SETD1A: variants seen among roughly 807,000 people sequenced by gnomAD.
SETD1A encodes the protein histone-lysine N-methyltransferase SETD1A.
SETD1A carries 29 observed loss-of-function variants against 149.9 expected under a neutral mutation model. That is an observed-to-expected ratio of 0.19 (90% confidence interval 0.14 to 0.26). The LOEUF is 0.26. Among genes scored for constraint, SETD1A ranks in the 10% least tolerant of loss-of-function variants. The pLI is 1.00. For missense variants in SETD1A, 2,109 were observed against 2,353.1 expected (o/e 0.90, Z 2.15); for synonymous variants, 1,141 against 968.5 (o/e 1.18, Z -3.31).
chr16:30,966,159 CCCT>C lies in SETD1A; in HGVS notation c.2286_2288del (p.Ser763del), dbSNP rs541436397. On this transcript the variant is annotated inframe_deletion, in exon 8 of 19. Coordinates refer to ENST00000262519, the MANE Select transcript of SETD1A (RefSeq NM_014712.3). Reference sequence around the variant, plus strand: ...CATGCCAATGGCAGCCGAGCCCCTGCCCTCCTCCTCAGTCTCGGGAGAGGAGGC... The same window carrying C: ...CATGCCAATGGCAGCCGAGCCCCTGCCCTCCTCAGTCTCGGGAGAGGAGGC... The C allele has an allele frequency of 4.2e-5, 67 of 1,608,516 alleles. No individual in the cohort carries two copies. The highest frequency in any genetic ancestry group is 2.3e-4 in the Admixed American group (14 of 59,738).
chr16:30,968,643 A>G (rs547915072), intron 10 of SETD1A, among the ~76,000 whole-genome samples: 146 of 152,000 alleles, frequency 9.6e-4, no homozygotes, highest in Non-Finnish European at 1.4e-3. Context: ...TCTACTAACA[A>G]TAGAAAAATT....
chr16:30,979,710 C>T lies in SETD1A; in HGVS notation c.3924C>T (p.Pro1308=). The change falls in exon 14 of 19, where the codon CCC becomes CCT. Residue 1308 remains proline (P), a synonymous_variant. Transcript: ENST00000262519. ...LEHNYALAVK[P]TPPAPALRPP... ...ACAACTATGCCCTGGCCGTCAAGCC[C>T]ACGCCCCCTGCGCCAGCCCTGCGGC... is the stretch of plus-strand genomic sequence containing the variant. The T allele has an allele frequency of 6.2e-7, 1 of 1,602,760 alleles. No homozygotes were observed. The highest frequency in any genetic ancestry group is 1.1e-5 in the South Asian group (1 of 90,992).
chr16:30,980,245 C>A lies in SETD1A; in HGVS notation c.4408+51C>A. On this transcript the variant is annotated intron_variant, in intron 14 of 18. Transcript: ENST00000262519. The surrounding 1 kb of genome is among the most constrained non-coding windows in gnomAD (Gnocchi z 7.7). Reference sequence around the variant, plus strand: ...CCGGGCTTGGGTCCTCCCCCGACCCCTCCAGGCACCTGCATCTGTGCCCCA... The same window carrying A: ...CCGGGCTTGGGTCCTCCCCCGACCCATCCAGGCACCTGCATCTGTGCCCCA... 1 of 1,531,528 alleles carries A rather than the reference C, an allele frequency of 6.5e-7. No individual in the cohort carries two copies. Among genetic ancestry groups the A allele is most frequent in the East Asian group, 2.3e-5 (1 of 43,446 alleles). The allele number at this position is 1,531,528 out of a possible 1,614,324, so 94.9% of individuals were successfully genotyped here.
chr16:30,967,602 G>A lies in SETD1A; in HGVS notation c.2770+14G>A. The A allele has an allele frequency of 6.2e-7, 1 of 1,611,374 alleles. No individual in the cohort carries two copies. Among genetic ancestry groups the A allele is most frequent in the Non-Finnish European group, 8.5e-7 (1 of 1,177,594 alleles). On this transcript the variant is annotated intron_variant, in intron 10 of 18. Coordinates refer to ENST00000262519, the MANE Select transcript of SETD1A (RefSeq NM_014712.3). ...AAGATGAAGACGGTGAGCAGGGTCA[G>A]GCATAAGGAGAAGGGGTGTGCTGCG...
At position 30,981,131 on chromosome 16, in the gene SETD1A, T is replaced by C; in HGVS notation, c.4763T>C (p.Ile1588Thr). ...HEWGLFAMEP[I>T]AADEMVIEYV... ...TGGGGTCTGTTTGCCATGGAACCCATTGCTGCTGACGAGATGGTCATCGAA... is the reference window on the plus strand; with the variant it reads ...TGGGGTCTGTTTGCCATGGAACCCACTGCTGCTGACGAGATGGTCATCGAA... The change falls in exon 17 of 19, where the codon ATT becomes ACT. Residue 1588 changes from isoleucine (I) to threonine (T), a missense_variant. This residue lies in a region of SETD1A where 254 missense variants were observed against 409.3 expected (regional missense o/e 0.62). Coordinates refer to ENST00000262519, the MANE Select transcript of SETD1A (RefSeq NM_014712.3). 1 of 1,614,162 alleles carries C rather than the reference T, an allele frequency of 6.2e-7. No individual in the cohort carries two copies. Among genetic ancestry groups the C allele is most frequent in the Non-Finnish European group, 8.5e-7 (1 of 1,180,012 alleles).
intron 3 of SETD1A, among the ~76,000 whole-genome samples, chr16:30,960,321 C>T (rs1475728120): frequency 6.6e-6 from 1 of 152,188 alleles, no homozygotes; most frequent in Non-Finnish European, 1.5e-5. Flanking sequence ...ACACCACACC[C>T]CTGTGTTACA....
Position 30,971,452 on chromosome 16 carries a change from T to G in SETD1A, c.3091T>G (p.Ser1031Ala). 6.2e-7 allele frequency: 1 copy of G among 1,613,800 alleles called. No homozygotes were observed. The highest frequency in any genetic ancestry group is 8.5e-7 in the Non-Finnish European group (1 of 1,179,806). The change falls in exon 13 of 19, where the codon TCA becomes GCA. Residue 1031 changes from serine to alanine, a missense_variant. Ser to Ala is a moderately conservative substitution (Grantham distance 99). Coordinates refer to ENST00000262519, the MANE Select transcript of SETD1A (RefSeq NM_014712.3). ...ADSDGENDST[S>A]DSESSSSSSS... ...CTCAGATGGCGAAAATGACAGCACATCAGACTCCGAGAGCAGCAGCTCTTC... is the reference window on the plus strand; with the variant it reads ...CTCAGATGGCGAAAATGACAGCACAGCAGACTCCGAGAGCAGCAGCTCTTC...
In SETD1A at chr16:30,965,480, A is replaced by G; in HGVS notation, c.1719+19A>G. 6.3e-7 allele frequency: 1 copy of G among 1,585,460 alleles called. No individual in the cohort carries two copies. Among genetic ancestry groups the G allele is most frequent in the Non-Finnish European group, 8.6e-7 (1 of 1,162,078 alleles). ...GAACCAGGTGAGGTTGGGGTCAGCC[A>G]GAGGAGGCACCTGGGCTCTGGGAGT... is the stretch of plus-strand genomic sequence containing the variant. On this transcript the variant is annotated intron_variant, in intron 7 of 18. Coordinates refer to ENST00000262519, the MANE Select transcript of SETD1A (RefSeq NM_014712.3).
At chr16:30,982,605 T>G (rs897274968) in intron 17 of SETD1A, among the ~76,000 whole-genome samples, 1 of 151,904 alleles carries the variant, frequency 6.6e-6, no homozygotes, top group South Asian at 2.1e-4. Context: ...GTGAATCCAC[T>G]TGGGCCTGTG....
At position 30,966,766 on chromosome 16, in the gene SETD1A, C is replaced by T; in HGVS notation, c.2506-118C>T. On this transcript the variant is annotated intron_variant, in intron 8 of 18. Coordinates refer to ENST00000262519, the MANE Select transcript of SETD1A (RefSeq NM_014712.3). ...GTGCGGGGGCTGGGACAGGTGTGAC[C>T]AAGATATGGAGCAGCAAGTAGATGC... 4 of 1,204,606 alleles carry T rather than the reference C, an allele frequency of 3.3e-6. No individual in the cohort carries two copies. In the South Asian group the frequency reaches 4.8e-5, roughly 15 times the overall value. 74.6% of individuals were successfully genotyped at this position (1,204,606 alleles called of 1,614,324 possible).
At chr16:30,972,666 C>T (rs965723737) in intron 13 of SETD1A, among the ~76,000 whole-genome samples, 4 of 143,584 alleles carry the variant, frequency 2.8e-5, no homozygotes, top group African/African-American at 1.0e-4. Flanking sequence ...CCAGCCTGGG[C>T]AACATGATGA....
At position 30,980,882 on chromosome 16, in the gene SETD1A, G is replaced by A. The variant is rs749945271; in HGVS notation, c.4692+33G>A. The A allele has an allele frequency of 5.4e-6, 8 of 1,486,108 alleles. No individual in the cohort carries two copies. Among genetic ancestry groups the A allele is most frequent in the African/African-American group, 2.8e-5 (2 of 71,892 alleles). 92.1% of individuals were successfully genotyped at this position (1,486,108 alleles called of 1,614,324 possible). A position where few individuals can be genotyped will look rare whatever the true frequency, so the allele number is the denominator to read the frequency against. ...TGGGCTGCAGGAGGGGCTGGGTGGGGTGGGGTGGGGCAGGAAGGGGCAGAG... is the reference window on the plus strand; with the variant it reads ...TGGGCTGCAGGAGGGGCTGGGTGGGATGGGGTGGGGCAGGAAGGGGCAGAG... On this transcript the variant is annotated intron_variant, in intron 16 of 18. Transcript: ENST00000262519. The surrounding 1 kb of genome is among the most constrained non-coding windows in gnomAD (Gnocchi z 7.7).
Position 30,965,613 on chromosome 16 carries a change from T to C in SETD1A, c.1732T>C (p.Ser578Pro). The C allele has an allele frequency of 1.2e-6, 2 of 1,610,370 alleles. No individual in the cohort carries two copies. Among genetic ancestry groups the C allele is most frequent in the Non-Finnish European group, 1.7e-6 (2 of 1,178,922 alleles). ...TCTGCCCCCGCAGGCTTCTCCATGC[T>C]CTTCTGGAGACGACATGGAGATCTC... is the stretch of plus-strand genomic sequence containing the variant. ...ANGQNQASPC[S>P]SGDDMEISDD... The change falls in exon 8 of 19, where the codon TCT (serine) becomes CCT (proline). Residue 578 changes from serine to proline, a missense_variant. By Grantham distance (74) the Ser-to-Pro change is moderately conservative. Around this residue, in one of 8 missense-constraint regions of SETD1A, gnomAD observed 431 missense variants for 388.6 expected, o/e 1.11. Coordinates refer to ENST00000262519, the MANE Select transcript of SETD1A (RefSeq NM_014712.3).
intron 5 of SETD1A, 108 bp from the exon 6 acceptor site, chr16:30,963,986 C>G: frequency 2.2e-6 from 2 of 896,816 alleles, no homozygotes; most frequent in Admixed American, 4.4e-5. Context: ...AGCGAGACTC[C>G]GTCTCAAAAA....
intron 17 of SETD1A, among the ~76,000 whole-genome samples, chr16:30,982,249 C>T (rs1159493597): frequency 1.3e-5 from 2 of 152,096 alleles, no homozygotes; most frequent in Non-Finnish European, 2.9e-5. Context: ...GCCTGTAATC[C>T]GAGCACTTTG....
chr16:30,982,622 GA>G (rs2056394936), intron 17 of SETD1A, among the ~76,000 whole-genome samples: 1 of 152,156 alleles, frequency 6.6e-6, no homozygotes, highest in Non-Finnish European at 1.5e-5. Flanking sequence ...TGTGGTGAGA[GA>G]GGAGGAAAGT....
chr16:30,980,810 CAT>C lies in SETD1A; in HGVS notation c.4654_4655del (p.Ile1552HisfsTer4). 1 of 1,549,404 alleles carries C rather than the reference CAT, an allele frequency of 6.5e-7. No individual in the cohort carries two copies. Among genetic ancestry groups the C allele is most frequent in the Non-Finnish European group, 8.8e-7 (1 of 1,139,342 alleles). On this transcript the variant is annotated frameshift_variant, in exon 16 of 19. Coordinates refer to ENST00000262519, the MANE Select transcript of SETD1A (RefSeq NM_014712.3). LOFTEE classifies it high-confidence loss of function. This position sits in a 1 kb window ranked among gnomAD's most constrained non-coding sequence, Gnocchi z 7.7. Reference sequence around the variant, plus strand: ...TGCTGAGCGCCATCGGTACCTCCGCCATCATGGACAGTGACCTGCTGAAACTC... The same window carrying C: ...TGCTGAGCGCCATCGGTACCTCCGCCCATGGACAGTGACCTGCTGAAACTC... Reference protein sequence around the residue: ...RLLSAIGTSAIMDSDLLKLNQ... With the variant: ...RLLSAIGTSAXMDSDLLKLNQ...
Position 30,958,625 on chromosome 16 carries a change from A to G in SETD1A, c.-15-92A>G, listed in dbSNP as rs2056000942. 5 of 1,116,478 alleles carry G rather than the reference A, an allele frequency of 4.5e-6. No individual in the cohort carries two copies. The East Asian group carries it at 9.6e-5, about 21-fold the overall frequency. 69.2% of individuals were successfully genotyped at this position (1,116,478 alleles called of 1,614,324 possible). ...GAGGGTTGGAAACTGGAGTGATGGG[A>G]GAACCTGGAATCGGGGCTAGCCAAT... On this transcript the variant is annotated intron_variant, in intron 1 of 18. Transcript: ENST00000262519.
At chr16:30,958,630 C>T in intron 1 of SETD1A, 87 bp from the exon 2 acceptor site, 3 of 1,193,270 alleles carry the variant, frequency 2.5e-6, no homozygotes, top group African/African-American at 3.0e-5. Flanking sequence ...ATGGGAGAAC[C>T]TGGAATCGGG....
Sources: gnomAD v4.1 joint callset for allele counts (sites outside exome capture counted in the v4.1 genomes callset) on GRCh38, gnomAD v4.1.1 for gene constraint, gnomAD v4.1.1 regional missense constraint, Gnocchi (gnomAD v3.1) non-coding constraint, MANE v1.5 for transcripts, NCBI Gene and HGNC (gene_info 2026-07-23, HGNC 2026-07-21) for gene names.